The following TBC1D5 variants were observed in gnomAD, a reference collection of about 807,000 sequenced individuals.
The protein encoded by TBC1D5 is TBC1 domain family, member 5.
A neutral mutation model predicts 100.3 loss-of-function variants in TBC1D5; 75 were observed. That is an observed-to-expected ratio of 0.75 (90% CI 0.62 to 0.91). The LOEUF is 0.91. Among genes scored for constraint, TBC1D5 ranks in the 40% least tolerant of loss-of-function variants. The pLI, the probability that TBC1D5 is intolerant of heterozygous loss-of-function variation, is 0.00. For synonymous variants in TBC1D5, 323 were observed against 325.6 expected, an observed-to-expected ratio of 0.99 and a Z score of 0.09; for missense variants, 910 against 942.4, an observed-to-expected ratio of 0.97 and a Z score of 0.45.
At chr3:17,261,896 C>A (rs770502412) in intron 15 of TBC1D5, among the ~76,000 whole-genome samples, 1 of 149,044 alleles carries the variant, frequency 6.7e-6, no homozygotes, top group Non-Finnish European at 1.5e-5. Context: ...TGATTTCTAA[C>A]CTTTAAAGTT....
intron 15 of TBC1D5, among the ~76,000 whole-genome samples, chr3:17,263,678 G>T (rs1559512587): frequency 6.6e-6 from 1 of 152,136 alleles, no homozygotes; most frequent in Non-Finnish European, 1.5e-5. Context: ...TTTTGGGCAG[G>T]TATCTTAAAG....
chr3:17,537,308 G>C (rs954816179), intron 2 of TBC1D5, among the ~76,000 whole-genome samples: 1 of 152,144 alleles, frequency 6.6e-6, no homozygotes, highest in Non-Finnish European at 1.5e-5. Context: ...ATGGCCTCAG[G>C]TCTTGCTTAT....
At chr3:17,247,578 T>C (rs1464906934) in intron 16 of TBC1D5, among the ~76,000 whole-genome samples, 1 of 152,184 alleles carries the variant, frequency 6.6e-6, no homozygotes, top group African/African-American at 2.4e-5. Context: ...TTCCTGAATG[T>C]TGGGGTGGTT....
chr3:17,441,643 T>C (rs187395950), intron 3 of TBC1D5, among the ~76,000 whole-genome samples: 144 of 152,268 alleles, frequency 9.5e-4, no homozygotes, highest in Middle Eastern at 3.4e-3. Context: ...AAGTCTGGAT[T>C]TTGAAACTAC....
chr3:17,519,963 A>G (rs549891225), intron 2 of TBC1D5, among the ~76,000 whole-genome samples: 1 of 152,350 alleles, frequency 6.6e-6, no homozygotes, highest in East Asian at 1.9e-4. Flanking sequence ...ATAGGCAGTG[A>G]GCTTAATATT....
At chr3:17,537,138 A>G (rs865863623) in intron 2 of TBC1D5, among the ~76,000 whole-genome samples, 1 of 152,264 alleles carries the variant, frequency 6.6e-6, no homozygotes, top group South Asian at 2.1e-4. Flanking sequence ...CAATGAAATA[A>G]ATTTTTAGGT....
At chr3:17,285,324 G>T (rs553602272) in intron 15 of TBC1D5, among the ~76,000 whole-genome samples, 1 of 136,454 alleles carries the variant, frequency 7.3e-6, no homozygotes, top group African/African-American at 2.8e-5. Context: ...GCAGTGGCGC[G>T]ATCTCGGCTC....
chr3:17,620,337 C>A (rs576610762), intron 2 of TBC1D5, among the ~76,000 whole-genome samples: 1 of 152,320 alleles, frequency 6.6e-6, no homozygotes, highest in South Asian at 2.1e-4. Flanking sequence ...TGAAGATACA[C>A]CTGTAAAACT....
At chr3:17,268,820 G>A (rs1201188647) in intron 15 of TBC1D5, among the ~76,000 whole-genome samples, 2 of 152,080 alleles carry the variant, frequency 1.3e-5, no homozygotes, top group East Asian at 3.8e-4. Flanking sequence ...GGGGCTTGAT[G>A]CCTTTTTCCA....
At chr3:17,158,342 C>T (rs1246476399) in exon 22 of TBC1D5, 1 of 152,032 alleles carries the variant, frequency 6.6e-6, no homozygotes, top group Non-Finnish European at 1.5e-5. Flanking sequence ...CATTTGTTAA[C>T]AAAACACAAT....
chr3:17,381,282 G>C (rs984741629), intron 9 of TBC1D5, among the ~76,000 whole-genome samples: 35 of 151,872 alleles, frequency 2.3e-4, no homozygotes, highest in African/African-American at 7.7e-4. Flanking sequence ...CATAGAACTT[G>C]TTTCCATTAT....
intron 3 of TBC1D5, among the ~76,000 whole-genome samples, chr3:17,449,408 T>C (rs754891858): frequency 7.2e-5 from 11 of 151,932 alleles, no homozygotes; most frequent in Non-Finnish European, 5.9e-5. Flanking sequence ...GTGGAATGGG[T>C]GCTGAAGCCA....
chr3:17,392,742 AT>A (rs1465151585), intron 8 of TBC1D5, among the ~76,000 whole-genome samples: 1 of 151,798 alleles, frequency 6.6e-6, no homozygotes. Flanking sequence ...TATGTGCCAC[AT>A]TTTCTTTATC....
intron 3 of TBC1D5, among the ~76,000 whole-genome samples, chr3:17,440,467 A>G (rs2094628324): frequency 6.6e-6 from 1 of 152,090 alleles, no homozygotes; most frequent in African/African-American, 2.4e-5. Context: ...TTTACAAAAA[A>G]TTAGCCGGGC....
At chr3:17,465,837 CA>C (rs2095291738) in intron 3 of TBC1D5, among the ~76,000 whole-genome samples, 1 of 152,192 alleles carries the variant, frequency 6.6e-6, no homozygotes, top group African/African-American at 2.4e-5. Flanking sequence ...TATCCAAATT[CA>C]AAATTTTTTG....
At chr3:17,618,963 A>T (rs1276289807) in intron 2 of TBC1D5, among the ~76,000 whole-genome samples, 1 of 152,164 alleles carries the variant, frequency 6.6e-6, no homozygotes, top group African/African-American at 2.4e-5. Context: ...GGAAATGCAG[A>T]TATCACCCGT....
At chr3:17,400,763 G>A (rs975567776) in intron 8 of TBC1D5, among the ~76,000 whole-genome samples, 2 of 152,086 alleles carry the variant, frequency 1.3e-5, no homozygotes, top group Non-Finnish European at 1.5e-5. Flanking sequence ...GGTGGAAAGA[G>A]CAGGCTTGCT....
intron 13 of TBC1D5, among the ~76,000 whole-genome samples, chr3:17,364,615 G>A (rs1340510711): frequency 6.6e-6 from 1 of 152,120 alleles, no homozygotes; most frequent in Non-Finnish European, 1.5e-5. Flanking sequence ...CTTCTAAGAA[G>A]CATATAGTTG....
chr3:17,455,237 C>CAT (rs199498231), intron 3 of TBC1D5, among the ~76,000 whole-genome samples: 8,389 of 138,230 alleles, frequency 0.061, 516 homozygotes, highest in African/African-American at 0.16. Flanking sequence ...ATATTGTATA[C>CAT]ATATATTATT....
Sources: allele counts gnomAD v4.1 joint callset (sites outside exome capture counted in the v4.1 genomes callset), GRCh38; gene constraint gnomAD v4.1.1; transcripts MANE v1.5; gene names NCBI Gene and HGNC (gene_info 2026-07-23, HGNC 2026-07-21).